The following ZPLD1 variants were observed in gnomAD, a reference collection of about 807,000 sequenced individuals.
ZPLD1 encodes the protein zona pellucida like domain containing 1, also known as zona pellucida-like domain-containing protein 1.
ZPLD1 carries 34 observed loss-of-function variants against 47.2 expected under a neutral mutation model. The observed-to-expected ratio is 0.72, with a 90% CI of 0.55 to 0.96. The LOEUF (loss-of-function observed/expected upper bound fraction) is 0.96, where lower values mean the gene tolerates loss of function less well. Among genes scored for constraint, ZPLD1 ranks in the 40% least tolerant of loss-of-function variants. ZPLD1 has a pLI of 0.00. For missense variants in ZPLD1, 512 were observed against 505.8 expected, an observed-to-expected ratio of 1.01 and a Z score of -0.12; for synonymous variants, 176 against 186.2, an observed-to-expected ratio of 0.95 and a Z score of 0.45.
At chr3:102,472,010 C>G (rs1446161874) in intron 10 of ZPLD1, among the ~76,000 whole-genome samples, 2 of 152,132 alleles carry the variant, frequency 1.3e-5, no homozygotes, top group Non-Finnish European at 2.9e-5. Context: ...ATCCCACAGT[C>G]AAAAGAAAGT....
chr3:102,477,534 TC>T lies in ZPLD1; in HGVS notation c.1165del (p.Leu389PhefsTer16). ...TTCTGGGAGTTACGAGCTTTTCTCT[TC>T]TTCTGTGCTCACTGGCCCTTCTGCA... ...VILGVTSFSL[L>X]LCSLALLHRK... On this transcript the variant is annotated frameshift_variant, in exon 12 of 12. Coordinates refer to ENST00000466937, the MANE Select transcript of ZPLD1 (RefSeq NM_001329788.2). LOFTEE classifies it high-confidence loss of function. 1 of 1,613,832 alleles carries T rather than the reference TC, an allele frequency of 6.2e-7. No individual in the cohort carries two copies. The highest frequency in any genetic ancestry group is 8.5e-7 in the Non-Finnish European group (1 of 1,179,768).
At chr3:102,410,522 C>T (rs2107298599) in intron 7 of ZPLD1, among the ~76,000 whole-genome samples, 1 of 151,772 alleles carries the variant, frequency 6.6e-6, no homozygotes, top group South Asian at 2.1e-4. Flanking sequence ...TTGCTAGCTA[C>T]TCTAATATTT....
intron 3 of ZPLD1, among the ~76,000 whole-genome samples, chr3:102,440,254 G>C (rs1363549549): frequency 6.6e-6 from 1 of 152,198 alleles, no homozygotes; most frequent in Non-Finnish European, 1.5e-5. Flanking sequence ...TAGGACAAGT[G>C]TGTAAGATAG....
chr3:102,453,252 A>G, intron 4 of ZPLD1, 113 bp downstream of exon 4: 1 of 947,288 alleles, frequency 1.1e-6, no homozygotes, highest in Non-Finnish European at 1.6e-6. Context: ...ATAAAATTGA[A>G]CAAATCACTT....
chr3:102,478,482 A>AGAACATTATCATTAGCTCATAAGCATACT lies in ZPLD1; in HGVS notation c.*865_*866insAACATTATCATTAGCTCATAAGCATACTG, dbSNP rs138641254. On this transcript the variant is annotated 3_prime_UTR_variant, in exon 12 of 12. Coordinates refer to ENST00000466937, the MANE Select transcript of ZPLD1 (RefSeq NM_001329788.2). The stretch of plus-strand genomic sequence containing the variant: ...GAAAACAAGCTGTAGTTGTGAAAAG[A>AGAACATTATCATTAGCTCATAAGCATACT]GTTCCTAGAAGGGTTTTTAACAATT... 6.6e-6 allele frequency: 1 copy of AGAACATTATCATTAGCTCATAAGCATACT among 151,700 alleles called. No homozygotes were observed. Among genetic ancestry groups the AGAACATTATCATTAGCTCATAAGCATACT allele is most frequent in the African/African-American group, 2.4e-5 (1 of 41,304 alleles). 9.4% of individuals were successfully genotyped at this position (151,700 alleles called of 1,614,324 possible). A position where few individuals can be genotyped will look rare whatever the true frequency, so the allele number is the denominator to read the frequency against.
chr3:102,474,561 T>C (rs1707730233), intron 10 of ZPLD1, among the ~76,000 whole-genome samples: 1 of 152,082 alleles, frequency 6.6e-6, no homozygotes, highest in Non-Finnish European at 1.5e-5. Flanking sequence ...TAATTTGAGA[T>C]GTGTGGTCCA....
At chr3:102,445,028 G>T (rs1331557957) in intron 3 of ZPLD1, among the ~76,000 whole-genome samples, 1 of 152,130 alleles carries the variant, frequency 6.6e-6, no homozygotes, top group Non-Finnish European at 1.5e-5. Context: ...TGGACTCCTT[G>T]ACCACAGTGC....
intron 1 of ZPLD1, among the ~76,000 whole-genome samples, chr3:102,435,652 T>C (rs1707079015): frequency 6.6e-6 from 1 of 150,598 alleles, no homozygotes; most frequent in Non-Finnish European, 1.5e-5. Flanking sequence ...TTTTTTTTTT[T>C]TTTTTTCTGA....
intron 3 of ZPLD1, among the ~76,000 whole-genome samples, chr3:102,440,191 A>T (rs942928940): frequency 1.6e-4 from 24 of 152,322 alleles, no homozygotes; most frequent in African/African-American, 5.5e-4. Context: ...GTCTTTTTAA[A>T]CATATCTTTT....
At chr3:102,455,430 T>C (rs1298007827) in intron 4 of ZPLD1, among the ~76,000 whole-genome samples, 1 of 152,216 alleles carries the variant, frequency 6.6e-6, no homozygotes, top group Non-Finnish European at 1.5e-5. Flanking sequence ...CTGAAAGTTC[T>C]TGAACCCCCA....
intron 8 of ZPLD1, among the ~76,000 whole-genome samples, chr3:102,465,180 G>A (rs972509217): frequency 3.9e-5 from 6 of 152,126 alleles, no homozygotes; most frequent in African/African-American, 4.8e-5. Context: ...GGGAAATATA[G>A]TTTAAAATAT....
upstream of ZPLD1, among the ~76,000 whole-genome samples, chr3:102,433,624 T>C (rs545114955): frequency 1.1e-4 from 17 of 152,108 alleles, no homozygotes; most frequent in African/African-American, 3.9e-4. Context: ...GCCTCCCGGG[T>C]TCAAGGCATT....
chr3:102,435,782 A>G (rs1281632885), intron 1 of ZPLD1, among the ~76,000 whole-genome samples: 4 of 151,876 alleles, frequency 2.6e-5, no homozygotes, highest in African/African-American at 9.7e-5. Flanking sequence ...AGCTGGGACT[A>G]CAGGCTCCCG....
At chr3:102,386,033 T>A (rs559951376) in intron 6 of ZPLD1, among the ~76,000 whole-genome samples, 1 of 152,334 alleles carries the variant, frequency 6.6e-6, no homozygotes, top group East Asian at 1.9e-4. Context: ...TCTGTGTTGA[T>A]TGTTATGTTT....
At chr3:102,446,758 G>A (rs1707261394) in intron 3 of ZPLD1, among the ~76,000 whole-genome samples, 1 of 152,098 alleles carries the variant, frequency 6.6e-6, no homozygotes, top group African/African-American at 2.4e-5. Context: ...ACCAAGACAA[G>A]TTTGTTTATA....
At chr3:102,468,866 G>A (rs1707637885) in intron 8 of ZPLD1, 98 bp from the exon 9 acceptor site, 2 of 1,158,776 alleles carry the variant, frequency 1.7e-6, no homozygotes, top group Non-Finnish European at 2.4e-6. Flanking sequence ...AGCTCTTAAT[G>A]TAATGGCGGA....
At chr3:102,400,465 G>C (rs1016739051) in intron 7 of ZPLD1, among the ~76,000 whole-genome samples, 4 of 152,002 alleles carry the variant, frequency 2.6e-5, no homozygotes, top group Non-Finnish European at 4.4e-5. Flanking sequence ...GAGGGTCCCA[G>C]GCTTCTCTAT....
rs1481022931 is a variant in ZPLD1, at chr3:102,453,018, C to T, written c.206C>T (p.Ala69Val). 6.2e-7 allele frequency: 1 copy of T among 1,614,104 alleles called. No homozygotes were observed. The highest frequency in any genetic ancestry group is 1.7e-5 in the Admixed American group (1 of 60,006). ...TCGGGTTATTCGGAAACAGATCTGG[C>T]ACTGAATGGAAGGCATGGGGACTCC... is the stretch of plus-strand genomic sequence containing the variant. ...LFSGYSETDL[A>V]LNGRHGDSHC... Residue 69 changes from alanine (A) to valine (V), a missense_variant, in exon 4 of 12, where the codon GCA (alanine) becomes GTA (valine). Physicochemically the swap from Ala to Val is moderately conservative, Grantham distance 64. Transcript: ENST00000466937.
chr3:102,414,946 A>T (rs904190531), intron 7 of ZPLD1, among the ~76,000 whole-genome samples: 14 of 151,922 alleles, frequency 9.2e-5, no homozygotes, highest in African/African-American at 3.4e-4. Context: ...TTGCTAACTT[A>T]TCAACTAACA....
Sources: gnomAD v4.1 joint callset for allele counts (sites outside exome capture counted in the v4.1 genomes callset) on GRCh38, gnomAD v4.1.1 for gene constraint, MANE v1.5 for transcripts, NCBI Gene and HGNC (gene_info 2026-07-23, HGNC 2026-07-21) for gene names.